The following CPQ variants were observed in gnomAD, a reference collection of about 807,000 sequenced individuals.
CPQ encodes the protein Ser-Met dipeptidase.
A neutral mutation model predicts 45.7 loss-of-function variants in CPQ; 37 were observed. The ratio of observed to expected loss-of-function variants is 0.81; its 90% CI spans 0.62 to 1.07. The LOEUF is 1.07. Among genes scored for constraint, CPQ ranks in the 50% least tolerant of loss-of-function variants. The pLI is 0.00. For missense variants in CPQ, 537 were observed against 572.9 expected (o/e 0.94, Z 0.64); for synonymous variants, 186 against 205.8 (o/e 0.90, Z 0.82).
At chr8:96,900,634 G>GT (rs937552601) in intron 4 of CPQ, among the ~76,000 whole-genome samples, 2 of 152,212 alleles carry the variant, frequency 1.3e-5, no homozygotes, top group Non-Finnish European at 1.5e-5. Context: ...ATGCTTAAGG[G>GT]TACATAGTGC....
chr8:97,124,218 T>C (rs1586553319), intron 7 of CPQ, among the ~76,000 whole-genome samples: 1 of 79,684 alleles, frequency 1.3e-5, no homozygotes, highest in African/African-American at 5.4e-5. Context: ...AGAGCAAGAC[T>C]CCGTCTCAAA....
chr8:97,091,313 G>GT (rs1188329204), intron 7 of CPQ, among the ~76,000 whole-genome samples: 1 of 152,158 alleles, frequency 6.6e-6, no homozygotes, highest in East Asian at 1.9e-4. Context: ...CAGTGACTTT[G>GT]TTTTTTCTGG....
At chr8:97,039,111 C>G (rs1810061816) in intron 6 of CPQ, among the ~76,000 whole-genome samples, 1 of 152,186 alleles carries the variant, frequency 6.6e-6, no homozygotes, top group Non-Finnish European at 1.5e-5. Flanking sequence ...ACAGAACACA[C>G]CATCACCAGA....
At chr8:96,846,189 C>T (rs1017038564) in intron 3 of CPQ, among the ~76,000 whole-genome samples, 3 of 152,124 alleles carry the variant, frequency 2.0e-5, no homozygotes, top group Non-Finnish European at 4.4e-5. Flanking sequence ...CAGGCTGCTC[C>T]ACATTCTTGC....
intron 2 of CPQ, among the ~76,000 whole-genome samples, chr8:96,829,590 T>C (rs1378241949): frequency 6.6e-6 from 1 of 152,152 alleles, no homozygotes; most frequent in Admixed American, 6.6e-5. Context: ...GTGTTTCATC[T>C]ATTTTTGTCT....
chr8:96,673,787 C>CTAGA (rs1210741377), intron 1 of CPQ, among the ~76,000 whole-genome samples: 1 of 152,056 alleles, frequency 6.6e-6, no homozygotes, highest in Non-Finnish European at 1.5e-5. Context: ...CATTAGCTGA[C>CTAGA]TAGATAGCTG....
chr8:96,978,298 G>A (rs1813823882), intron 5 of CPQ, among the ~76,000 whole-genome samples: 1 of 152,178 alleles, frequency 6.6e-6, no homozygotes. Context: ...CTACTAGGAT[G>A]TGTAAAAAGA....
chr8:96,700,238 C>T (rs1331606978), intron 1 of CPQ, among the ~76,000 whole-genome samples: 1 of 152,020 alleles, frequency 6.6e-6, no homozygotes, highest in Non-Finnish European at 1.5e-5. Flanking sequence ...ACTACTCTGC[C>T]AAGGCTGATA....
intron 7 of CPQ, among the ~76,000 whole-genome samples, chr8:97,074,066 T>C (rs1763033242): frequency 6.6e-6 from 1 of 152,198 alleles, no homozygotes; most frequent in Non-Finnish European, 1.5e-5. Context: ...AATTACCAAG[T>C]AGGAGAAGAG....
chr8:97,072,043 C>G (rs915277545), intron 7 of CPQ, among the ~76,000 whole-genome samples: 3 of 152,030 alleles, frequency 2.0e-5, no homozygotes. Flanking sequence ...TTTCTAGAAG[C>G]CCTAAAACAA....
At chr8:96,670,809 T>G (rs575864551) in intron 1 of CPQ, among the ~76,000 whole-genome samples, 13 of 151,792 alleles carry the variant, frequency 8.6e-5, no homozygotes, top group Admixed American at 2.0e-4. Flanking sequence ...TATATAACAA[T>G]CTTTAAATGA....
At chr8:96,875,637 C>T (rs1010868516) in intron 3 of CPQ, among the ~76,000 whole-genome samples, 3 of 151,858 alleles carry the variant, frequency 2.0e-5, no homozygotes, top group Non-Finnish European at 4.4e-5. Flanking sequence ...ACTCTCAATT[C>T]TACTCTATTG....
chr8:96,766,584 G>C (rs976876584), intron 1 of CPQ, among the ~76,000 whole-genome samples: 1 of 152,146 alleles, frequency 6.6e-6, no homozygotes, highest in African/African-American at 2.4e-5. Context: ...GCCATCATCT[G>C]TCCTCATGTC....
intron 1 of CPQ, among the ~76,000 whole-genome samples, chr8:96,694,509 A>C (rs1219739421): frequency 6.6e-6 from 1 of 152,198 alleles, no homozygotes; most frequent in Non-Finnish European, 1.5e-5. Flanking sequence ...TCATAAGGAT[A>C]GACTATATGT....
At chr8:97,130,142 G>C (rs1420876609) in intron 7 of CPQ, among the ~76,000 whole-genome samples, 1 of 152,122 alleles carries the variant, frequency 6.6e-6, no homozygotes, top group African/African-American at 2.4e-5. Flanking sequence ...CCTCCATCAT[G>C]AGGCCTTTTT....
intron 7 of CPQ, among the ~76,000 whole-genome samples, chr8:97,121,440 G>C (rs553507223): frequency 6.6e-6 from 1 of 152,218 alleles, no homozygotes; most frequent in East Asian, 1.9e-4. Context: ...GTAATAGTAA[G>C]GCTAAACTAG....
chr8:97,004,236 A>G (rs961705676), intron 5 of CPQ, among the ~76,000 whole-genome samples: 28 of 152,078 alleles, frequency 1.8e-4, no homozygotes, highest in Admixed American at 1.3e-4. Flanking sequence ...CATGACTGCA[A>G]TAAATAAATA....
chr8:96,884,226 A>G (rs1479067836), intron 4 of CPQ, among the ~76,000 whole-genome samples: 1 of 152,154 alleles, frequency 6.6e-6, no homozygotes, highest in Non-Finnish European at 1.5e-5. Flanking sequence ...TCACTGTCCT[A>G]CAGTCAGGTA....
chr8:96,843,461 T>C (rs1393402528), intron 3 of CPQ, among the ~76,000 whole-genome samples: 2 of 152,092 alleles, frequency 1.3e-5, no homozygotes, highest in Non-Finnish European at 2.9e-5. Flanking sequence ...ACTGTTGTAA[T>C]TGGTGGATTA....
Sources: allele counts gnomAD v4.1 joint callset (sites outside exome capture counted in the v4.1 genomes callset), GRCh38; gene constraint gnomAD v4.1.1; transcripts MANE v1.5; gene names NCBI Gene and HGNC (gene_info 2026-07-23, HGNC 2026-07-21).